The following PID1 variants were observed in gnomAD, a reference collection of about 807,000 sequenced individuals.
The protein encoded by PID1 is phosphotyrosine interaction domain containing 1, also known as PTB-containing, cubilin and LRP1-interacting protein.
In PID1, 10 loss-of-function variants were observed where a neutral mutation model predicts 19.1. That is an observed-to-expected ratio of 0.52 (90% CI 0.32 to 0.89). The LOEUF is 0.89. Ranked by LOEUF, PID1 falls within the 40% of genes least tolerant of loss-of-function variation. PID1 has a pLI of 0.03. For missense variants in PID1, 248 were observed against 285.3 expected, an observed-to-expected ratio of 0.87 and a Z score of 0.94; for synonymous variants, 130 against 116.0, an observed-to-expected ratio of 1.12 and a Z score of -0.78.
chr2:229,157,926 T>C (rs1254843463), intron 1 of PID1, among the ~76,000 whole-genome samples: 1 of 151,776 alleles, frequency 6.6e-6, no homozygotes, highest in African/African-American at 2.4e-5. Context: ...ATCAGTAAGA[T>C]GAAGGCAAAG....
chr2:229,093,596 G>C (rs1000015817), intron 2 of PID1, among the ~76,000 whole-genome samples: 5 of 152,128 alleles, frequency 3.3e-5, no homozygotes, highest in Non-Finnish European at 5.9e-5. Flanking sequence ...GTGTGCATCG[G>C]CTGAGGGCTC....
intron 2 of PID1, among the ~76,000 whole-genome samples, chr2:229,116,630 C>A (rs1695416200): frequency 6.6e-6 from 1 of 152,166 alleles, no homozygotes; most frequent in Non-Finnish European, 1.5e-5. Context: ...CTCGCTCCTG[C>A]CCACTGCCAT....
intron 2 of PID1, among the ~76,000 whole-genome samples, chr2:229,147,034 A>C (rs140566350): frequency 6.6e-6 from 1 of 152,274 alleles, no homozygotes; most frequent in African/African-American, 2.4e-5. Flanking sequence ...TTAAGCCACT[A>C]ATTTTGCCAG....
At chr2:229,093,769 G>A (rs76242816) in intron 2 of PID1, among the ~76,000 whole-genome samples, 413 of 29,902 alleles carry the variant, frequency 0.014, 3 homozygotes, top group South Asian at 0.034. Flanking sequence ...ATAAAAAAAA[G>A]AACCCCTCAA....
chr2:229,270,591 T>C (rs552705376), intron 1 of PID1, among the ~76,000 whole-genome samples: 1 of 150,616 alleles, frequency 6.6e-6, no homozygotes, highest in Non-Finnish European at 1.5e-5. Context: ...CCACATTATA[T>C]TGGCAAATGG....
intron 2 of PID1, among the ~76,000 whole-genome samples, chr2:229,126,745 T>C (rs1203145509): frequency 6.6e-6 from 1 of 152,244 alleles, no homozygotes; most frequent in East Asian, 1.9e-4. Flanking sequence ...AAAGTGAATT[T>C]CTTCACATAA....
At chr2:229,235,869 G>C (rs546356133) in intron 1 of PID1, among the ~76,000 whole-genome samples, 2 of 152,278 alleles carry the variant, frequency 1.3e-5, no homozygotes, top group African/African-American at 2.4e-5. Flanking sequence ...ATCTCGGGAC[G>C]GGGGGCCAGG....
intron 1 of PID1, among the ~76,000 whole-genome samples, chr2:229,214,312 C>A (rs1691799540): frequency 6.6e-6 from 1 of 152,118 alleles, no homozygotes; most frequent in Non-Finnish European, 1.5e-5. Flanking sequence ...CTGCTCTTGA[C>A]CGAGAGCCTG....
chr2:229,068,072 G>A (rs1056001006), intron 2 of PID1, among the ~76,000 whole-genome samples: 2 of 152,202 alleles, frequency 1.3e-5, no homozygotes, highest in Non-Finnish European at 2.9e-5. Context: ...AGCTGCTTTT[G>A]TCTCACATTT....
intron 2 of PID1, among the ~76,000 whole-genome samples, chr2:229,075,078 A>G (rs1694530677): frequency 2.6e-5 from 4 of 152,254 alleles, no homozygotes; most frequent in Non-Finnish European, 5.9e-5. Context: ...CTAGCCTACC[A>G]TAAATGTGCT....
intron 2 of PID1, among the ~76,000 whole-genome samples, chr2:229,127,940 C>T (rs1695657141): frequency 6.6e-6 from 1 of 152,176 alleles, no homozygotes; most frequent in Non-Finnish European, 1.5e-5. Context: ...TTCCCTTTGT[C>T]CAGCCACCAT....
chr2:229,033,170 G>A (rs1005422476), intron 2 of PID1, among the ~76,000 whole-genome samples: 4 of 152,044 alleles, frequency 2.6e-5, no homozygotes, highest in African/African-American at 4.8e-5. Context: ...CTCACCTCAC[G>A]CTAGACTGGA....
At chr2:229,247,300 C>T (rs955469445) in intron 1 of PID1, among the ~76,000 whole-genome samples, 3 of 152,172 alleles carry the variant, frequency 2.0e-5, no homozygotes, top group African/African-American at 4.8e-5. Flanking sequence ...AGAACTCACA[C>T]ATCTTTATGT....
intron 2 of PID1, among the ~76,000 whole-genome samples, chr2:229,030,828 G>A (rs1434474147): frequency 6.6e-6 from 1 of 152,122 alleles, no homozygotes; most frequent in Non-Finnish European, 1.5e-5. Flanking sequence ...TTTTGGAGGT[G>A]TACTGGAGAG....
At chr2:229,103,920 T>C (rs1409167056) in intron 2 of PID1, among the ~76,000 whole-genome samples, 1 of 152,184 alleles carries the variant, frequency 6.6e-6, no homozygotes, top group Non-Finnish European at 1.5e-5. Context: ...AGATTGGTGA[T>C]TCTGCCAGCC....
chr2:229,139,105 AAGAAAGAAAG>A (rs1440775483), intron 2 of PID1, among the ~76,000 whole-genome samples: 819 of 67,016 alleles, frequency 0.012, 31 homozygotes, highest in South Asian at 0.024. Flanking sequence ...GAAAGAAAGA[AAGAAAGAAAG>A]AGAAAGAAAG....
intron 2 of PID1, among the ~76,000 whole-genome samples, chr2:229,045,880 C>T (rs1214835202): frequency 4.6e-5 from 7 of 152,218 alleles, no homozygotes; most frequent in Non-Finnish European, 2.9e-5. Flanking sequence ...GAGCCCTTGC[C>T]TGGTCACTTA....
chr2:229,027,021 T>A (rs1693437978), intron 2 of PID1, among the ~76,000 whole-genome samples: 1 of 152,128 alleles, frequency 6.6e-6, no homozygotes, highest in African/African-American at 2.4e-5. Context: ...AGAAATAATA[T>A]GAAATAGTAT....
At chr2:229,098,300 C>G (rs931698612) in intron 2 of PID1, among the ~76,000 whole-genome samples, 5 of 152,110 alleles carry the variant, frequency 3.3e-5, no homozygotes, top group African/African-American at 9.7e-5. Flanking sequence ...GTTTGTTTCA[C>G]CCATCAGCAC....
Sources: allele counts gnomAD v4.1 joint callset (sites outside exome capture counted in the v4.1 genomes callset), GRCh38; gene constraint gnomAD v4.1.1; transcripts MANE v1.5; gene names NCBI Gene and HGNC (gene_info 2026-07-23, HGNC 2026-07-21).